DNAI7: variants seen among roughly 807,000 people sequenced by gnomAD.
The protein encoded by DNAI7 is dynein axonemal intermediate chain 7, also known as cancer susceptibility 1.
DNAI7 carries 78 observed loss-of-function variants against 86.6 expected under a neutral mutation model. That is an observed-to-expected ratio of 0.90 (90% CI 0.75 to 1.09). The LOEUF (loss-of-function observed/expected upper bound fraction) is 1.09, where lower values mean the gene tolerates loss of function less well. DNAI7 is among the 50% of genes least tolerant of loss of function. The pLI, the probability that DNAI7 is intolerant of heterozygous loss-of-function variation, is 0.00. For missense variants in DNAI7, 753 were observed against 810.2 expected (o/e 0.93, Z 0.86); for synonymous variants, 274 against 273.0 (o/e 1.00, Z -0.04).
chr12:25,107,769 T>C (rs750807432), downstream of DNAI7: 23 of 1,580,494 alleles, frequency 1.5e-5, no homozygotes, highest in Non-Finnish European at 1.8e-5. Context: ...GGAATGTTTC[T>C]AATGACAAAT....
intron 9 of DNAI7, among the ~76,000 whole-genome samples, chr12:25,127,223 G>A (rs999846468): frequency 2.0e-5 from 3 of 152,288 alleles, no homozygotes; most frequent in Non-Finnish European, 2.9e-5. Flanking sequence ...TCATCAGAAC[G>A]TGCTCCCGCA....
At chr12:25,170,978 G>A (rs1413775512) in intron 2 of DNAI7, among the ~76,000 whole-genome samples, 1 of 152,118 alleles carries the variant, frequency 6.6e-6, no homozygotes, top group Admixed American at 6.6e-5. Context: ...AGCAAAGATG[G>A]TGCTAACGGG....
downstream of DNAI7, chr12:25,107,771 A>C: frequency 6.3e-7 from 1 of 1,583,894 alleles, no homozygotes; most frequent in Non-Finnish European, 8.6e-7. Flanking sequence ...AATGTTTCTA[A>C]TGACAAATTA....
At chr12:25,155,854 A>T (rs1202683649) in intron 4 of DNAI7, among the ~76,000 whole-genome samples, 2 of 152,214 alleles carry the variant, frequency 1.3e-5, no homozygotes, top group African/African-American at 4.8e-5. Context: ...TCACGCCTGT[A>T]ATCCCAGCAC....
rs201555181 is a variant in DNAI7, at chr12:25,123,267, G to T, written c.1022C>A (p.Ser341Tyr). ...CTCTCGTTCACATTTTATGGCTTCA[G>T]ATTCTTCCTCAGCAGAACTCTATAA... ...EVKMSSAEEE[S>Y]EAIKCEREMK... Residue 341 changes from serine (S) to tyrosine (Y), a missense_variant, in exon 10 of 16, where the codon TCT becomes TAT. Transcript: ENST00000395987. The T allele has an allele frequency of 2.1e-5, 33 of 1,607,598 alleles. No individual in the cohort carries two copies. Among genetic ancestry groups the T allele is most frequent in the Non-Finnish European group, 2.7e-5 (32 of 1,177,280 alleles).
chr12:25,150,824 T>C (rs767359325), intron 6 of DNAI7, among the ~76,000 whole-genome samples: 4 of 152,032 alleles, frequency 2.6e-5, no homozygotes, highest in Non-Finnish European at 4.4e-5. Flanking sequence ...TGAGAGATAA[T>C]AGAAAAAACA....
At chr12:25,147,205 A>C in intron 7 of DNAI7, 101 bp from the exon 8 acceptor site, 1 of 660,912 alleles carries the variant, frequency 1.5e-6, no homozygotes, top group Non-Finnish European at 2.7e-6. Flanking sequence ...TCCCTTTATT[A>C]ATCACCTAAG....
At chr12:25,181,179 T>C (rs1949471135) in intron 2 of DNAI7, among the ~76,000 whole-genome samples, 1 of 152,142 alleles carries the variant, frequency 6.6e-6, no homozygotes, top group Non-Finnish European at 1.5e-5. Flanking sequence ...GGTGCAATCA[T>C]AGCTTACTGT....
At chr12:25,135,388 GA>G (rs2140689392) in intron 9 of DNAI7, among the ~76,000 whole-genome samples, 1 of 152,286 alleles carries the variant, frequency 6.6e-6, no homozygotes, top group Admixed American at 6.5e-5. Context: ...GCTGCCAGTG[GA>G]ATTGGGGAAG....
rs1478964462 is a variant in DNAI7, at chr12:25,114,756, A to T, written c.1511T>A (p.Ile504Asn). 1 of 1,613,978 alleles carries T rather than the reference A, an allele frequency of 6.2e-7. No individual in the cohort carries two copies. Among genetic ancestry groups the T allele is most frequent in the Middle Eastern group, 1.7e-4 (1 of 6,060 alleles). The stretch of plus-strand genomic sequence containing the variant: ...TTCCCATGACTGGTACGGCATGTTA[A>T]TATGAGCATCTTGAATCAAGGTAAC... ...GPVTLIQDAH[I>N]NMPYQSWELR... The change falls in exon 13 of 16, where the codon ATT (isoleucine) becomes AAT (asparagine). Residue 504 changes from isoleucine (I) to asparagine (N), a missense_variant. By Grantham distance (149) the Ile-to-Asn change is moderately radical (BLOSUM62 -3). Transcript: ENST00000395987.
chr12:25,107,979 G>A, downstream of DNAI7: 2 of 1,614,164 alleles, frequency 1.2e-6, no homozygotes, highest in East Asian at 4.5e-5. Context: ...CTCCCACACA[G>A]CAAGAGGACT....
chr12:25,108,013 T>C (rs772007665), downstream of DNAI7: 9 of 1,614,074 alleles, frequency 5.6e-6, no homozygotes, highest in African/African-American at 2.7e-5. Context: ...AGAACATATC[T>C]TGTGGCCATT....
At chr12:25,160,315 C>A (rs1438505381) in intron 3 of DNAI7, among the ~76,000 whole-genome samples, 2 of 152,174 alleles carry the variant, frequency 1.3e-5, no homozygotes, top group Admixed American at 1.3e-4. Flanking sequence ...TTCTAAATTT[C>A]TCTTCAAAGA....
rs539987902 is a variant in DNAI7 at position 25,189,473 on chromosome 12, T to C, written c.21+1141A>G. ...CTGGCCAACAAAGTGAAACCCTGTC[T>C]CTACCAAAAAATACAAAAATTAGAC... On this transcript the variant is annotated intron_variant, in intron 2 of 15. Coordinates refer to ENST00000395987, the MANE Select transcript of DNAI7 (RefSeq NM_018272.5). Among the ~76,000 whole-genome samples, 9 of 152,174 alleles carry C rather than the reference T, an allele frequency of 5.9e-5. 2 individuals are homozygous for C. The South Asian group carries it at 1.7e-3, about 28-fold the overall frequency.
chr12:25,152,123 C>T (rs1945625158), intron 6 of DNAI7, among the ~76,000 whole-genome samples: 1 of 152,230 alleles, frequency 6.6e-6, no homozygotes. Flanking sequence ...CCCCCTGTTC[C>T]TGGCACAAGC....
chr12:25,134,884 C>G (rs1024544668), intron 9 of DNAI7, among the ~76,000 whole-genome samples: 1 of 152,158 alleles, frequency 6.6e-6, no homozygotes, highest in Non-Finnish European at 1.5e-5. Context: ...TATAAATTCA[C>G]TATGCAGTCA....
In DNAI7 at chr12:25,121,846, T is replaced by C; in HGVS notation, c.1146A>G (p.Leu382=). The C allele has an allele frequency of 6.2e-7, 1 of 1,603,238 alleles. No homozygotes were observed. The highest frequency in any genetic ancestry group is 8.5e-7 in the Non-Finnish European group (1 of 1,176,978). ...PDFFEDNVVD[L]CQFTTLGGVY... Reference sequence around the variant, plus strand: ...CTCCACCCAGAGTTGTGAACTGGCATAAATCCACCACATTGTCTTCAAAGA... The same window carrying C: ...CTCCACCCAGAGTTGTGAACTGGCACAAATCCACCACATTGTCTTCAAAGA... Residue 382 remains leucine (L), a synonymous_variant, in exon 11 of 16, where the codon TTA becomes TTG. Coordinates refer to ENST00000395987, the MANE Select transcript of DNAI7 (RefSeq NM_018272.5).
chr12:25,181,591 A>G (rs1402614890), intron 2 of DNAI7, among the ~76,000 whole-genome samples: 1 of 152,224 alleles, frequency 6.6e-6, no homozygotes, highest in Non-Finnish European at 1.5e-5. Flanking sequence ...GAAACAACAC[A>G]GTCAACAGAC....
intron 4 of DNAI7, 40 bp downstream of exon 4, chr12:25,158,432 G>A (rs1246336227): frequency 6.7e-7 from 1 of 1,482,476 alleles, no homozygotes; most frequent in Non-Finnish European, 9.4e-7. Context: ...GATAGCCATA[G>A]TTTAAGTATT....
Sources: allele counts gnomAD v4.1 joint callset (sites outside exome capture counted in the v4.1 genomes callset), GRCh38; gene constraint gnomAD v4.1.1; transcripts MANE v1.5; gene names NCBI Gene and HGNC (gene_info 2026-07-23, HGNC 2026-07-21).